CSMD2: variants seen among roughly 807,000 people sequenced by gnomAD.
The protein encoded by CSMD2 is CUB and Sushi multiple domains 2.
CSMD2 carries 130 observed loss-of-function variants against 398.5 expected under a neutral mutation model. The observed-to-expected ratio is 0.33, with a 90% CI of 0.28 to 0.38. The LOEUF is 0.38. CSMD2 is among the 10% of genes least tolerant of loss of function. The pLI, the probability that CSMD2 is intolerant of heterozygous loss-of-function variation, is 1.00. For missense variants in CSMD2, 3,829 were observed against 4,764.9 expected (o/e 0.80, Z 5.78); for synonymous variants, 1,828 against 1,908.5 (o/e 0.96, Z 1.10).
In CSMD2 at chr1:33,810,785, A is replaced by G. The variant is rs1409083584; in HGVS notation, c.1404T>C (p.Asn468=). ...CTGTGATGATCCACACACAGTGTGCATTGTTGTCATACTGAATGGGGAAAT... is the reference window on the plus strand; with the variant it reads ...CTGTGATGATCCACACACAGTGTGCGTTGTTGTCATACTGAATGGGGAAAT... ...SPNFPIQYDN[N]AHCVWIITAL... is the part of the protein sequence containing the mutation. The change falls in exon 10 of 71, where the codon AAT becomes AAC. Residue 468 remains asparagine (N), a synonymous_variant. Transcript: ENST00000373381. 1 of 1,612,986 alleles carries G rather than the reference A, an allele frequency of 6.2e-7. No homozygotes were observed. Among genetic ancestry groups the G allele is most frequent in the Non-Finnish European group, 8.5e-7 (1 of 1,179,512 alleles).
chr1:33,814,978 C>T (rs939269740), intron 9 of CSMD2, among the ~76,000 whole-genome samples: 2 of 152,024 alleles, frequency 1.3e-5, no homozygotes, highest in Non-Finnish European at 2.9e-5. Flanking sequence ...TTCCTCATCG[C>T]TCTCATATCT....
chr1:33,666,291 C>T (rs1189515573), intron 25 of CSMD2, among the ~76,000 whole-genome samples: 1 of 152,136 alleles, frequency 6.6e-6, no homozygotes, highest in Non-Finnish European at 1.5e-5. Flanking sequence ...GGATTATATA[C>T]ACATTGATTA....
chr1:33,911,061 G>C (rs778932039), intron 5 of CSMD2, among the ~76,000 whole-genome samples: 5 of 152,182 alleles, frequency 3.3e-5, no homozygotes, highest in Non-Finnish European at 5.9e-5. Flanking sequence ...CCCCGACTGT[G>C]AGCTTCAGGG....
rs1002985767 is a variant in CSMD2, at chr1:33,533,494, A to C, written c.9992-265T>G. ...TGCAGCACTTCCTGAGGGGTAAAGG[A>C]GTAACTGGGTCAAAAGCTTGATATC... On this transcript the variant is annotated intron_variant, in intron 63 of 70. Coordinates refer to ENST00000373381, the MANE Select transcript of CSMD2 (RefSeq NM_001281956.2). This position sits in a 1 kb window ranked among gnomAD's most constrained non-coding sequence, Gnocchi z 4.2. 6.6e-6 allele frequency among the ~76,000 whole-genome samples: 1 copy of C among 152,150 alleles called. No individual in the cohort carries two copies. Among genetic ancestry groups the C allele is most frequent in the African/African-American group, 2.4e-5 (1 of 41,430 alleles).
At chr1:33,906,901 C>T (rs981089843) in intron 5 of CSMD2, among the ~76,000 whole-genome samples, 27 of 151,828 alleles carry the variant, frequency 1.8e-4, no homozygotes, top group African/African-American at 4.4e-4. Context: ...AAAGGAGACA[C>T]GGAAGGAATG....
At chr1:33,644,047 TG>T (rs1346841478) in intron 29 of CSMD2, among the ~76,000 whole-genome samples, 1 of 152,134 alleles carries the variant, frequency 6.6e-6, no homozygotes, top group Non-Finnish European at 1.5e-5. Context: ...AATAGGGTGA[TG>T]GGGGATACGT....
Position 33,967,179 on chromosome 1 carries a change from T to C in CSMD2, c.518-31225A>G, listed in dbSNP as rs767727381. Among the ~76,000 whole-genome samples, 39 of 152,236 alleles carry C rather than the reference T, an allele frequency of 2.6e-4. No homozygotes were observed. The Middle Eastern group carries it at 0.014, about 53-fold the overall frequency. ...TGATTTTAATATTTTATAAATGGCT[T>C]TGATCTCATATTTATGGAATCATTA... is the stretch of plus-strand genomic sequence containing the variant. On this transcript the variant is annotated intron_variant, in intron 3 of 70. Coordinates refer to ENST00000373381, the MANE Select transcript of CSMD2 (RefSeq NM_001281956.2).
At chr1:34,052,992 T>C (rs1653389551) in intron 2 of CSMD2, among the ~76,000 whole-genome samples, 2 of 152,082 alleles carry the variant, frequency 1.3e-5, no homozygotes, top group Non-Finnish European at 2.9e-5. Flanking sequence ...GAAGGAAGCA[T>C]GTGAGACAAG....
At chr1:33,715,381 G>A (rs1048661557) in intron 20 of CSMD2, among the ~76,000 whole-genome samples, 2 of 152,254 alleles carry the variant, frequency 1.3e-5, no homozygotes, top group Non-Finnish European at 2.9e-5. Context: ...GCATTTATGG[G>A]CCAAAGCCCT....
rs968883801 is a variant in CSMD2, at chr1:33,514,212, A to T, written c.*2412T>A. 6.6e-6 allele frequency: 1 copy of T among 152,262 alleles called. No homozygotes were observed. Among genetic ancestry groups the T allele is most frequent in the African/African-American group, 2.4e-5 (1 of 41,312 alleles). The allele number at this position is 152,262 out of a possible 1,614,324, so 9.4% of individuals were successfully genotyped here. A position where few individuals can be genotyped will look rare whatever the true frequency, so the allele number is the denominator to read the frequency against. ...TGTTTTCTGAAAACCATATTTATAC[A>T]TTTTATTACATTTACAAAAAAGGCT... On this transcript the variant is annotated 3_prime_UTR_variant, in exon 71 of 71. Coordinates refer to ENST00000373381, the MANE Select transcript of CSMD2 (RefSeq NM_001281956.2).
chr1:34,109,261 G>A (rs558780008), intron 1 of CSMD2, among the ~76,000 whole-genome samples: 61 of 152,330 alleles, frequency 4.0e-4, no homozygotes, highest in Non-Finnish European at 7.5e-4. Flanking sequence ...AGGGTTTTGT[G>A]TTTTGATGCC....
intron 47 of CSMD2, among the ~76,000 whole-genome samples, chr1:33,583,091 T>C (rs1432644181): frequency 6.6e-6 from 1 of 152,236 alleles, no homozygotes; most frequent in Non-Finnish European, 1.5e-5. Context: ...GAGGACATCA[T>C]ATTAATTAGA....
chr1:34,099,313 G>A (rs1355087243), intron 1 of CSMD2, among the ~76,000 whole-genome samples: 1 of 152,198 alleles, frequency 6.6e-6, no homozygotes, highest in Non-Finnish European at 1.5e-5. Flanking sequence ...CTGGATCATA[G>A]ACTAGAAACA....
chr1:33,859,742 C>G (rs1229732784), intron 5 of CSMD2, among the ~76,000 whole-genome samples: 2 of 152,194 alleles, frequency 1.3e-5, no homozygotes, highest in Non-Finnish European at 2.9e-5. Flanking sequence ...GGTATGTTTG[C>G]TGTTGTTGCT....
At chr1:34,004,204 T>G (rs1481588854) in intron 3 of CSMD2, among the ~76,000 whole-genome samples, 4 of 152,170 alleles carry the variant, frequency 2.6e-5, no homozygotes, top group Non-Finnish European at 4.4e-5. Context: ...TGTTGCCACA[T>G]AAAAGAGAAA....
chr1:33,950,396 AG>A (rs1258598796), intron 3 of CSMD2, among the ~76,000 whole-genome samples: 1 of 149,034 alleles, frequency 6.7e-6, no homozygotes, highest in Non-Finnish European at 1.5e-5. Context: ...AGAGAGAGAG[AG>A]AGAGAGAGAG....
intron 4 of CSMD2, among the ~76,000 whole-genome samples, chr1:33,925,811 T>C (rs1211673684): frequency 6.6e-6 from 1 of 151,986 alleles, no homozygotes; most frequent in African/African-American, 2.4e-5. Flanking sequence ...CTGTCCCTAC[T>C]ATCTGCAGCC....
At chr1:33,957,929 C>G (rs1469815773) in intron 3 of CSMD2, among the ~76,000 whole-genome samples, 1 of 150,112 alleles carries the variant, frequency 6.7e-6, no homozygotes, top group Non-Finnish European at 1.5e-5. Flanking sequence ...AACTCAGTCA[C>G]TGTGTGTGTG....
In CSMD2 at chr1:33,853,154, C is replaced by T. The variant is rs114531814; in HGVS notation, c.921-6158G>A. On this transcript the variant is annotated intron_variant, in intron 5 of 70. Transcript: ENST00000373381. ...CAATCAGTTTAATGCAGGACCAAGG[C>T]CTTCCCTTTGATCATGGGTTTGTTC... Among the ~76,000 whole-genome samples, 613 of 152,316 alleles carry T rather than the reference C, an allele frequency of 4.0e-3. 5 individuals carry two copies. The highest frequency in any genetic ancestry group is 0.013 in the African/African-American group (556 of 41,560).
Sources: allele counts gnomAD v4.1 joint callset (sites outside exome capture counted in the v4.1 genomes callset), GRCh38; gene constraint gnomAD v4.1.1; non-coding constraint Gnocchi (gnomAD v3.1); transcripts MANE v1.5; gene names NCBI Gene and HGNC (gene_info 2026-07-23, HGNC 2026-07-21).